The following TAFA4 variants were observed in gnomAD, a reference collection of about 807,000 sequenced individuals.
TAFA4 encodes TAFA chemokine like family member 4.
In TAFA4, 20 loss-of-function variants were observed where a neutral mutation model predicts 21.1. The ratio of observed to expected loss-of-function variants is 0.95; its 90% CI spans 0.67 to 1.38. The LOEUF (loss-of-function observed/expected upper bound fraction) is 1.38. TAFA4 is among the 40% of genes most tolerant of loss of function. TAFA4 has a pLI of 0.00. For synonymous variants in TAFA4, 71 were observed against 67.4 expected (o/e 1.05, Z -0.26); for missense variants, 211 against 180.9 (o/e 1.17, Z -0.95).
intron 4 of TAFA4, among the ~76,000 whole-genome samples, 166 bp from the exon 5 acceptor site, chr3:68,739,365 AT>A (rs951752432): frequency 6.6e-6 from 1 of 152,172 alleles, no homozygotes; most frequent in Non-Finnish European, 1.5e-5. Flanking sequence ...AAAATATTTC[AT>A]TTTTTTATTA....
Position 68,908,487 on chromosome 3 carries a change from G to A in TAFA4, c.-122-23177C>T, listed in dbSNP as rs554443578. ...TTGGGAATGACCTGAAGCTAAGAAG[G>A]GAAACAGCCACTCTAAAAAATCAGA... On this transcript the variant is annotated intron_variant, in intron 1 of 5. Transcript: ENST00000295569. Among the ~76,000 whole-genome samples, 6 of 150,244 alleles carry A rather than the reference G, an allele frequency of 4.0e-5. 1 individual carries two copies. Among genetic ancestry groups the A allele is most frequent in the Admixed American group, 1.3e-4 (2 of 14,934 alleles).
chr3:68,888,378 C>T (rs1209641339), intron 1 of TAFA4, among the ~76,000 whole-genome samples: 3 of 152,096 alleles, frequency 2.0e-5, no homozygotes, highest in Non-Finnish European at 4.4e-5. Flanking sequence ...ACTTTCCCTA[C>T]AGCTATTCTC....
chr3:68,924,934 G>T (rs1382441678), intron 1 of TAFA4, among the ~76,000 whole-genome samples: 1 of 152,150 alleles, frequency 6.6e-6, no homozygotes, highest in Non-Finnish European at 1.5e-5. Flanking sequence ...TAACCAATGA[G>T]CTTTCTAAAT....
At chr3:68,859,674 C>T (rs2089305352) in intron 3 of TAFA4, among the ~76,000 whole-genome samples, 1 of 152,138 alleles carries the variant, frequency 6.6e-6, no homozygotes. Context: ...AGCCATGCAT[C>T]AACCTTGAAC....
At chr3:68,860,862 T>G (rs2089328120) in intron 3 of TAFA4, among the ~76,000 whole-genome samples, 1 of 152,110 alleles carries the variant, frequency 6.6e-6, no homozygotes, top group South Asian at 2.1e-4. Flanking sequence ...ACATCATCAT[T>G]GGGCTGTGAC....
intron 3 of TAFA4, among the ~76,000 whole-genome samples, chr3:68,765,717 G>A (rs986598253): frequency 2.6e-5 from 4 of 152,204 alleles, no homozygotes; most frequent in African/African-American, 9.6e-5. Flanking sequence ...TCTGAACTCA[G>A]AAGAGCAAAG....
intron 3 of TAFA4, among the ~76,000 whole-genome samples, chr3:68,786,033 TTAAA>T (rs1167764118): frequency 6.6e-6 from 1 of 152,162 alleles, no homozygotes; most frequent in African/African-American, 2.4e-5. Flanking sequence ...AGGGGACTGG[TTAAA>T]TAAACTACGT....
intron 3 of TAFA4, among the ~76,000 whole-genome samples, chr3:68,855,045 G>A (rs1377682691): frequency 6.6e-6 from 1 of 152,042 alleles, no homozygotes; most frequent in African/African-American, 2.4e-5. Flanking sequence ...TTAGGGGCCA[G>A]AACAATGACA....
At chr3:68,737,659 A>G (rs1249758009) in intron 5 of TAFA4, among the ~76,000 whole-genome samples, 1 of 152,200 alleles carries the variant, frequency 6.6e-6, no homozygotes, top group African/African-American at 2.4e-5. Flanking sequence ...TTTATATTTT[A>G]ATATATTTTA....
chr3:68,790,256 G>A (rs1703337411), intron 3 of TAFA4, among the ~76,000 whole-genome samples: 1 of 151,302 alleles, frequency 6.6e-6, no homozygotes. Flanking sequence ...TACATTTTAA[G>A]CCCTAGAGCA....
At chr3:68,775,124 A>G (rs1307689720) in intron 3 of TAFA4, among the ~76,000 whole-genome samples, 1 of 152,228 alleles carries the variant, frequency 6.6e-6, no homozygotes, top group Non-Finnish European at 1.5e-5. Context: ...GCAGACAATC[A>G]GAAAACAACT....
At chr3:68,843,206 T>C (rs976214024) in intron 3 of TAFA4, among the ~76,000 whole-genome samples, 1 of 152,226 alleles carries the variant, frequency 6.6e-6, no homozygotes, top group African/African-American at 2.4e-5. Flanking sequence ...CTTATTTCCT[T>C]GAGCAGTGGT....
intron 3 of TAFA4, among the ~76,000 whole-genome samples, chr3:68,822,838 C>T (rs115286723): frequency 6.6e-6 from 1 of 152,106 alleles, no homozygotes; most frequent in Non-Finnish European, 1.5e-5. Flanking sequence ...TTAATTTTAC[C>T]TTCACCACTC....
At chr3:68,929,430 A>C (rs2107038639) in intron 1 of TAFA4, among the ~76,000 whole-genome samples, 1 of 152,330 alleles carries the variant, frequency 6.6e-6, no homozygotes, top group Admixed American at 6.5e-5. Flanking sequence ...ATTAGGATAA[A>C]TATACTGTAT....
intron 3 of TAFA4, among the ~76,000 whole-genome samples, chr3:68,810,235 C>G (rs1019488863): frequency 6.6e-6 from 1 of 152,210 alleles, no homozygotes; most frequent in Non-Finnish European, 1.5e-5. Context: ...GTCTACAGCT[C>G]CCAGCATGAG....
chr3:68,910,352 T>G (rs2089950200), intron 1 of TAFA4, among the ~76,000 whole-genome samples: 1 of 152,144 alleles, frequency 6.6e-6, no homozygotes, highest in African/African-American at 2.4e-5. Context: ...GCTTCTCATC[T>G]ATAAAAATGA....
At chr3:68,826,180 C>T (rs12488751) in intron 3 of TAFA4, among the ~76,000 whole-genome samples, 13,295 of 152,248 alleles carry the variant, frequency 0.087, 877 homozygotes, top group Admixed American at 0.19. Flanking sequence ...GACCTGCAGT[C>T]GGAAGGCCCA....
At chr3:68,756,226 G>A (rs184691011) in intron 3 of TAFA4, among the ~76,000 whole-genome samples, 5 of 152,320 alleles carry the variant, frequency 3.3e-5, no homozygotes, top group East Asian at 1.9e-4. Flanking sequence ...GCTATACCCA[G>A]CTGGGGAGAC....
rs938133374 is a variant in TAFA4 at position 68,843,930 on chromosome 3, T to A, written c.130+36800A>T. Reference sequence around the variant, plus strand: ...TGGATTTGGTTTGCCAGTATTTTATTGAGGATTTTCGCATCGGTGTCCATC... The same window carrying A: ...TGGATTTGGTTTGCCAGTATTTTATAGAGGATTTTCGCATCGGTGTCCATC... On this transcript the variant is annotated intron_variant, in intron 3 of 5. Transcript: ENST00000295569. Among the ~76,000 whole-genome samples the A allele has an allele frequency of 2.6e-5, 4 of 152,272 alleles. 1 individual carries two copies. In the South Asian group the frequency reaches 8.3e-4, roughly 31 times the overall value.
Sources: gnomAD v4.1 joint callset for allele counts (sites outside exome capture counted in the v4.1 genomes callset) on GRCh38, gnomAD v4.1.1 for gene constraint, MANE v1.5 for transcripts, NCBI Gene and HGNC (gene_info 2026-07-23, HGNC 2026-07-21) for gene names.